The following INKA1 variants were observed in gnomAD, a reference collection of about 807,000 sequenced individuals.
The protein encoded by INKA1 is PAK4-inhibitor INKA1.
Under a neutral mutation model 21.3 loss-of-function variants are expected in INKA1, and 14 were observed. That is an observed-to-expected ratio of 0.66 (90% CI 0.43 to 1.03). The LOEUF is 1.03. Ranked by LOEUF, INKA1 falls within the 50% of genes least tolerant of loss-of-function variation. INKA1 has a pLI of 0.00. For synonymous variants in INKA1, 133 were observed against 143.3 expected (o/e 0.93, Z 0.51); for missense variants, 353 against 379.0 (o/e 0.93, Z 0.57).
Position 49,804,622 on chromosome 3 carries a change from C to G in INKA1, c.493C>G (p.Leu165Val). The G allele has an allele frequency of 6.2e-7, 1 of 1,613,260 alleles. No individual in the cohort carries two copies. Among genetic ancestry groups the G allele is most frequent in the Non-Finnish European group, 8.5e-7 (1 of 1,179,992 alleles). Residue 165 changes from leucine to valine, a missense_variant, in exon 2 of 2, where the codon CTG (leucine) becomes GTG (valine). Leu to Val is a conservative substitution (Grantham distance 32). Coordinates refer to ENST00000333323, the MANE Select transcript of INKA1 (RefSeq NM_203370.2). This position sits in a 1 kb window ranked among gnomAD's most constrained non-coding sequence, Gnocchi z 6.7. ...CGCCTGCCTGGAGCACTGGCAGGGA[C>G]TGGAAGCAGAGGACTGGACAGCAGC... is the stretch of plus-strand genomic sequence containing the variant. ...PDACLEHWQG[L>V]EAEDWTAALL... is the part of the protein sequence containing the mutation.
At position 49,804,201 on chromosome 3, in the gene INKA1, C is replaced by T. The variant is rs2081409095; in HGVS notation, c.72C>T (p.Gly24=). ...CTCAGTTGTGTGGTCGGGACACAGG[C>T]TCACCCTCAATGCCTGGTCCCCTGC... The part of the protein sequence containing the change: ...RWELLCGRDT[G]SPSMPGPLQP... Residue 24 remains glycine, a synonymous_variant, in exon 2 of 2, where the codon GGC becomes GGT. Coordinates refer to ENST00000333323, the MANE Select transcript of INKA1 (RefSeq NM_203370.2). The surrounding 1 kb of genome is among the most constrained non-coding windows in gnomAD (Gnocchi z 6.7). The T allele has an allele frequency of 6.3e-7, 1 of 1,591,474 alleles. No homozygotes were observed. Among genetic ancestry groups the T allele is most frequent in the Non-Finnish European group, 8.6e-7 (1 of 1,167,030 alleles).
At position 49,804,333 on chromosome 3, in the gene INKA1, G is replaced by A; in HGVS notation, c.204G>A (p.Glu68=). The change falls in exon 2 of 2, where the codon GAG becomes GAA. Residue 68 remains glutamate, a synonymous_variant. Coordinates refer to ENST00000333323, the MANE Select transcript of INKA1 (RefSeq NM_203370.2). The surrounding 1 kb of genome is among the most constrained non-coding windows in gnomAD (Gnocchi z 6.7). ...GCTGTGTGGAGGAGGAGGAAGAGGA[G>A]GAGGAGGAAGCAGTGGTGACAGAAG... is the stretch of plus-strand genomic sequence containing the variant. ...SVCCVEEEEE[E]EEEAVVTEDR... 6.2e-7 allele frequency: 1 copy of A among 1,613,536 alleles called. No homozygotes were observed. The highest frequency in any genetic ancestry group is 8.5e-7 in the Non-Finnish European group (1 of 1,179,958).
chr3:49,804,712 G>A lies in INKA1; in HGVS notation c.583G>A (p.Val195Met). The change falls in exon 2 of 2, where the codon GTG becomes ATG. Residue 195 changes from valine to methionine, a missense_variant. Coordinates refer to ENST00000333323, the MANE Select transcript of INKA1 (RefSeq NM_203370.2). The surrounding 1 kb of genome is among the most constrained non-coding windows in gnomAD (Gnocchi z 6.7). ...VLGDNCFADL[V>M]HNWMELPETG... is the part of the protein sequence containing the mutation. ...AGGGGACAATTGCTTTGCTGACTTG[G>A]TGCACAACTGGATGGAGCTGCCTGA... 1 of 1,613,232 alleles carries A rather than the reference G, an allele frequency of 6.2e-7. No individual in the cohort carries two copies. Among genetic ancestry groups the A allele is most frequent in the Non-Finnish European group, 8.5e-7 (1 of 1,180,026 alleles).
At position 49,803,582 on chromosome 3, in the gene INKA1, C is replaced by T. The variant is rs893688223; in HGVS notation, c.51+139C>T. 2 of 797,932 alleles carry T rather than the reference C, an allele frequency of 2.5e-6. No individual in the cohort carries two copies. Among genetic ancestry groups the T allele is most frequent in the Non-Finnish European group, 4.0e-6 (2 of 502,076 alleles). 49.4% of individuals were successfully genotyped at this position (797,932 alleles called of 1,614,324 possible). ...GGTGGGGGCGGCGTGGCGCATATGGCTCAGATGGCCCGCGTCGGGTTTCGG... is the reference window on the plus strand; with the variant it reads ...GGTGGGGGCGGCGTGGCGCATATGGTTCAGATGGCCCGCGTCGGGTTTCGG... On this transcript the variant is annotated intron_variant, in intron 1 of 1. Coordinates refer to ENST00000333323, the MANE Select transcript of INKA1 (RefSeq NM_203370.2). This position sits in a 1 kb window ranked among gnomAD's most constrained non-coding sequence, Gnocchi z 4.8.
chr3:49,804,402 C>T lies in INKA1; in HGVS notation c.273C>T (p.Asp91=). 6.2e-7 allele frequency: 1 copy of T among 1,613,568 alleles called. No individual in the cohort carries two copies. The highest frequency in any genetic ancestry group is 8.5e-7 in the Non-Finnish European group (1 of 1,179,984). The change falls in exon 2 of 2, where the codon GAC becomes GAT. Residue 91 remains aspartate, a synonymous_variant. Coordinates refer to ENST00000333323, the MANE Select transcript of INKA1 (RefSeq NM_203370.2). The surrounding 1 kb of genome is among the most constrained non-coding windows in gnomAD (Gnocchi z 6.7). ...GAGGCCCCAGGGAGCATGCCCTGGA[C>T]TGGGACTCTGGCTTCTCGGAGGTGT... is the stretch of plus-strand genomic sequence containing the variant. The part of the protein sequence containing the change: ...ALGGPREHAL[D]WDSGFSEVSG...
chr3:49,803,374 TG>T lies in INKA1; in HGVS notation c.-14del, dbSNP rs746754003. 2 of 1,516,598 alleles carry T rather than the reference TG, an allele frequency of 1.3e-6. No individual in the cohort carries two copies. Among genetic ancestry groups the T allele is most frequent in the Non-Finnish European group, 1.8e-6 (2 of 1,135,776 alleles). 93.9% of individuals were successfully genotyped at this position (1,516,598 alleles called of 1,614,324 possible). On this transcript the variant is annotated 5_prime_UTR_variant, in exon 1 of 2. Transcript: ENST00000333323. The surrounding 1 kb of genome is among the most constrained non-coding windows in gnomAD (Gnocchi z 4.8). Reference sequence around the variant, plus strand: ...TTCCAAGAGGAGCTAGTAGGTTCGGTGGGGGCCCTGGCATGGACATGCACAG... The same window carrying T: ...TTCCAAGAGGAGCTAGTAGGTTCGGTGGGGCCCTGGCATGGACATGCACAG...
chr3:49,803,532 G>A lies in INKA1; in HGVS notation c.51+89G>A. The A allele has an allele frequency of 7.4e-7, 1 of 1,347,926 alleles. No homozygotes were observed. The highest frequency in any genetic ancestry group is 1.0e-6 in the Non-Finnish European group (1 of 986,488). The allele number at this position is 1,347,926 out of a possible 1,614,324, so 83.5% of individuals were successfully genotyped here. A position where few individuals can be genotyped will look rare whatever the true frequency, so the allele number is the denominator to read the frequency against. On this transcript the variant is annotated intron_variant, in intron 1 of 1. Coordinates refer to ENST00000333323, the MANE Select transcript of INKA1 (RefSeq NM_203370.2). The surrounding 1 kb of genome is among the most constrained non-coding windows in gnomAD (Gnocchi z 4.8). ...CGGAACAACAGACGGGTGCGGGGTG[G>A]CTCCAGCGTGCCGGTCCGAGGCGGG...
At position 49,804,948 on chromosome 3, in the gene INKA1, C is replaced by A. The variant is rs1399759657; in HGVS notation, c.819C>A (p.Ser273Arg). The change falls in exon 2 of 2, where the codon AGC becomes AGA. Residue 273 changes from serine to arginine, a missense_variant. Ser to Arg is a moderately radical substitution (Grantham distance 110). Coordinates refer to ENST00000333323, the MANE Select transcript of INKA1 (RefSeq NM_203370.2). This position sits in a 1 kb window ranked among gnomAD's most constrained non-coding sequence, Gnocchi z 6.7. ...SRFAALMSCR[S>R]RQPIICNDVS... ...TTGCAGCTCTCATGAGCTGTCGTAG[C>A]CGCCAGCCCATCATCTGCAATGATG... 6.2e-7 allele frequency: 1 copy of A among 1,611,798 alleles called. No homozygotes were observed. The highest frequency in any genetic ancestry group is 8.5e-7 in the Non-Finnish European group (1 of 1,178,986).
In INKA1 at chr3:49,803,461, G is replaced by C; in HGVS notation, c.51+18G>C. ...GGGAACTGGTGAGGCTCGGGAGCGG[G>C]TGTGGTTAGTGAGGACGCGTGCGGG... On this transcript the variant is annotated intron_variant, in intron 1 of 1. Coordinates refer to ENST00000333323, the MANE Select transcript of INKA1 (RefSeq NM_203370.2). This position sits in a 1 kb window ranked among gnomAD's most constrained non-coding sequence, Gnocchi z 4.8. 1 of 1,548,772 alleles carries C rather than the reference G, an allele frequency of 6.5e-7. No homozygotes were observed. Among genetic ancestry groups the C allele is most frequent in the Non-Finnish European group, 8.7e-7 (1 of 1,148,538 alleles).
Position 49,804,676 on chromosome 3 carries a change from C to T in INKA1, c.547C>T (p.Pro183Ser). 6.2e-7 allele frequency: 1 copy of T among 1,613,232 alleles called. No individual in the cohort carries two copies. The highest frequency in any genetic ancestry group is 1.3e-5 in the African/African-American group (1 of 75,060). Residue 183 changes from proline to serine, a missense_variant, in exon 2 of 2, where the codon CCC (proline) becomes TCC (serine). Transcript: ENST00000333323. The surrounding 1 kb of genome is among the most constrained non-coding windows in gnomAD (Gnocchi z 6.7). Reference protein sequence around the residue: ...ALLNRGRSRQPLVLGDNCFAD... With the variant: ...ALLNRGRSRQSLVLGDNCFAD... ...ACTGAACAGGGGTCGCAGTCGCCAG[C>T]CCCTGGTACTAGGGGACAATTGCTT... is the stretch of plus-strand genomic sequence containing the variant.
rs1253927636 is a variant in INKA1 at position 49,804,972 on chromosome 3, T to G, written c.843T>G (p.Asp281Glu). Residue 281 changes from aspartate (D) to glutamate (E), a missense_variant, in exon 2 of 2, where the codon GAT (aspartate) becomes GAG (glutamate). Physicochemically the swap from Asp to Glu is conservative, Grantham distance 45 (BLOSUM62 2). Coordinates refer to ENST00000333323, the MANE Select transcript of INKA1 (RefSeq NM_203370.2). This position sits in a 1 kb window ranked among gnomAD's most constrained non-coding sequence, Gnocchi z 6.7. Reference protein sequence around the residue: ...CRSRQPIICNDVSYL With the variant: ...CRSRQPIICNEVSYL Reference sequence around the variant, plus strand: ...GCCGCCAGCCCATCATCTGCAATGATGTCAGCTACCTCTGACCCTGCCCTC... The same window carrying G: ...GCCGCCAGCCCATCATCTGCAATGAGGTCAGCTACCTCTGACCCTGCCCTC... 1 of 1,609,124 alleles carries G rather than the reference T, an allele frequency of 6.2e-7. No individual in the cohort carries two copies. Among genetic ancestry groups the G allele is most frequent in the African/African-American group, 1.3e-5 (1 of 74,994 alleles).
At position 49,803,325 on chromosome 3, in the gene INKA1, CCT is replaced by C; in HGVS notation, c.-64_-63del. 1 of 1,445,340 alleles carries C rather than the reference CCT, an allele frequency of 6.9e-7. No homozygotes were observed. Among genetic ancestry groups the C allele is most frequent in the South Asian group, 1.4e-5 (1 of 72,086 alleles). The allele number at this position is 1,445,340 out of a possible 1,614,324, so 89.5% of individuals were successfully genotyped here. Reference sequence around the variant, plus strand: ...GGCGCCGCTGGCCGGCCCTCCCAGCCCTCTCCGCGCGGCTCCGCCGGGGTTCC... The same window carrying C: ...GGCGCCGCTGGCCGGCCCTCCCAGCCCTCCGCGCGGCTCCGCCGGGGTTCC... On this transcript the variant is annotated 5_prime_UTR_variant, in exon 1 of 2. Coordinates refer to ENST00000333323, the MANE Select transcript of INKA1 (RefSeq NM_203370.2). This position sits in a 1 kb window ranked among gnomAD's most constrained non-coding sequence, Gnocchi z 4.8.
chr3:49,803,448 G>A lies in INKA1; in HGVS notation c.51+5G>A, dbSNP rs1244595123. ...AGCCAGCTCCGCTGGGAACTGGTGAGGCTCGGGAGCGGGTGTGGTTAGTGA... is the reference window on the plus strand; with the variant it reads ...AGCCAGCTCCGCTGGGAACTGGTGAAGCTCGGGAGCGGGTGTGGTTAGTGA... On this transcript the variant is annotated splice_donor_5th_base_variant and intron_variant, in intron 1 of 1. Transcript: ENST00000333323. This position sits in a 1 kb window ranked among gnomAD's most constrained non-coding sequence, Gnocchi z 4.8. 3.2e-6 allele frequency: 5 copies of A among 1,557,828 alleles called. No individual in the cohort carries two copies. The highest frequency in any genetic ancestry group is 2.0e-5 in the Admixed American group (1 of 51,004).
At position 49,803,295 on chromosome 3, in the gene INKA1, C is replaced by G; in HGVS notation, c.-98C>G. ...GAGGAGTCGCGCAGGCAGGCGGAGGCTGAGGGCGCCGCTGGCCGGCCCTCC... is the reference window on the plus strand; with the variant it reads ...GAGGAGTCGCGCAGGCAGGCGGAGGGTGAGGGCGCCGCTGGCCGGCCCTCC... On this transcript the variant is annotated 5_prime_UTR_variant, in exon 1 of 2. Coordinates refer to ENST00000333323, the MANE Select transcript of INKA1 (RefSeq NM_203370.2). The surrounding 1 kb of genome is among the most constrained non-coding windows in gnomAD (Gnocchi z 4.8). 4 of 1,233,956 alleles carry G rather than the reference C, an allele frequency of 3.2e-6. No homozygotes were observed. The highest frequency in any genetic ancestry group is 3.6e-5 in the South Asian group (2 of 55,552). 76.4% of individuals were successfully genotyped at this position (1,233,956 alleles called of 1,614,324 possible).
chr3:49,804,365 A>G lies in INKA1; in HGVS notation c.236A>G (p.Asp79Gly), dbSNP rs1411659098. The G allele has an allele frequency of 1.9e-6, 3 of 1,613,218 alleles. No homozygotes were observed. The highest frequency in any genetic ancestry group is 2.7e-5 in the African/African-American group (2 of 74,814). ...GAAGCAGTGGTGACAGAAGACAGGGATGCAGCCTTGGGAGGCCCCAGGGAG... is the reference window on the plus strand; with the variant it reads ...GAAGCAGTGGTGACAGAAGACAGGGGTGCAGCCTTGGGAGGCCCCAGGGAG... ...EEEAVVTEDR[D>G]AALGGPREHA... is the part of the protein sequence containing the mutation. The change falls in exon 2 of 2, where the codon GAT becomes GGT. Residue 79 changes from aspartate (D) to glycine (G), a missense_variant. Asp to Gly is a moderately conservative substitution (Grantham distance 94). Coordinates refer to ENST00000333323, the MANE Select transcript of INKA1 (RefSeq NM_203370.2). This position sits in a 1 kb window ranked among gnomAD's most constrained non-coding sequence, Gnocchi z 6.7.
chr3:49,803,406 G>T lies in INKA1; in HGVS notation c.14G>T (p.Arg5Leu). ...CCTGGCATGGACATGCACAGCGCTC[G>T]GCTTGACAGCTTCCTTAGCCAGCTC... MHSA[R>L]LDSFLSQLRW... Residue 5 changes from arginine to leucine, a missense_variant, in exon 1 of 2, where the codon CGG (arginine) becomes CTG (leucine). Transcript: ENST00000333323. The surrounding 1 kb of genome is among the most constrained non-coding windows in gnomAD (Gnocchi z 4.8). 1.9e-6 allele frequency: 3 copies of T among 1,552,234 alleles called. No homozygotes were observed. Among genetic ancestry groups the T allele is most frequent in the Non-Finnish European group, 2.6e-6 (3 of 1,152,464 alleles).
Position 49,805,016 on chromosome 3 carries a change from G to C in INKA1, c.*29G>C. On this transcript the variant is annotated 3_prime_UTR_variant, in exon 2 of 2. Transcript: ENST00000333323. ...TGCCCTCCAGCCTGGGACAATAAAA[G>C]CCTTTTTTCTAGACTGTCCTGGCTC... The C allele has an allele frequency of 6.3e-7, 1 of 1,587,408 alleles. No individual in the cohort carries two copies. The highest frequency in any genetic ancestry group is 8.6e-7 in the Non-Finnish European group (1 of 1,163,850).
Position 49,805,022 on chromosome 3 carries a change from T to C in INKA1, c.*35T>C, listed in dbSNP as rs370093341. 59 of 1,579,128 alleles carry C rather than the reference T, an allele frequency of 3.7e-5. No homozygotes were observed. The highest frequency in any genetic ancestry group is 8.1e-5 in the African/African-American group (6 of 74,222). ...CCAGCCTGGGACAATAAAAGCCTTT[T>C]TTCTAGACTGTCCTGGCTCCATACC... On this transcript the variant is annotated 3_prime_UTR_variant, in exon 2 of 2. Transcript: ENST00000333323.
At position 49,804,392 on chromosome 3, in the gene INKA1, A is replaced by G; in HGVS notation, c.263A>G (p.His88Arg). ...GCAGCCTTGGGAGGCCCCAGGGAGC[A>G]TGCCCTGGACTGGGACTCTGGCTTC... Reference protein sequence around the residue: ...RDAALGGPREHALDWDSGFSE... With the variant: ...RDAALGGPRERALDWDSGFSE... Residue 88 changes from histidine to arginine, a missense_variant, in exon 2 of 2, where the codon CAT becomes CGT. Coordinates refer to ENST00000333323, the MANE Select transcript of INKA1 (RefSeq NM_203370.2). This position sits in a 1 kb window ranked among gnomAD's most constrained non-coding sequence, Gnocchi z 6.7. The G allele has an allele frequency of 6.2e-7, 1 of 1,613,214 alleles. No homozygotes were observed. The highest frequency in any genetic ancestry group is 8.5e-7 in the Non-Finnish European group (1 of 1,179,896).
Sources: allele counts gnomAD v4.1 joint callset, GRCh38; gene constraint gnomAD v4.1.1; non-coding constraint Gnocchi (gnomAD v3.1); transcripts MANE v1.5; gene names NCBI Gene and HGNC (gene_info 2026-07-23, HGNC 2026-07-21).